The following ST6GAL1 variants were observed in gnomAD, a reference collection of about 807,000 sequenced individuals.
ST6GAL1 encodes the protein beta-galactoside alpha-2,6-sialyltransferase 1.
Under a neutral mutation model 38.0 loss-of-function variants are expected in ST6GAL1, and 20 were observed. The observed-to-expected ratio is 0.53, with a 90% CI of 0.37 to 0.77. The LOEUF (loss-of-function observed/expected upper bound fraction) is 0.77, where lower values mean the gene tolerates loss of function less well. Ranked by LOEUF, ST6GAL1 falls within the 30% of genes least tolerant of loss-of-function variation. ST6GAL1 has a pLI of 0.00. For missense variants in ST6GAL1, 432 were observed against 496.4 expected (o/e 0.87, Z 1.23); for synonymous variants, 196 against 188.2 (o/e 1.04, Z -0.34).
chr3:186,988,441 T>A lies in ST6GAL1; in HGVS notation c.-183+24515T>A, dbSNP rs1344844040. 4.0e-5 allele frequency among the ~76,000 whole-genome samples: 6 copies of A among 151,716 alleles called. No homozygotes were observed. The South Asian group carries it at 1.2e-3, about 32-fold the overall frequency. On this transcript the variant is annotated intron_variant, in intron 2 of 7. Transcript: ENST00000169298. ...TATATGCCAGAATCGAGATTCCCTA[T>A]AAATTTAACAGCTTACAGGAAGGAC... is the stretch of plus-strand genomic sequence containing the variant.
intron 4 of ST6GAL1, among the ~76,000 whole-genome samples, chr3:187,050,602 A>AGAAG (rs1354010199): frequency 7.3e-5 from 11 of 151,666 alleles, no homozygotes; most frequent in African/African-American, 1.2e-4. Flanking sequence ...AGGAAGGAAA[A>AGAAG]GAAGGAAGGA....
intron 2 of ST6GAL1, among the ~76,000 whole-genome samples, chr3:186,984,599 C>T (rs947391134): frequency 2.2e-4 from 34 of 152,264 alleles, no homozygotes; most frequent in South Asian, 4.1e-4. Flanking sequence ...ACTCATTCCT[C>T]CACTATCTGC....
Position 187,043,203 on chromosome 3 carries a change from G to A in ST6GAL1, c.500G>A (p.Gly167Asp). 1 of 1,614,242 alleles carries A rather than the reference G, an allele frequency of 6.2e-7. No individual in the cohort carries two copies. The highest frequency in any genetic ancestry group is 8.5e-7 in the Non-Finnish European group (1 of 1,180,036). Residue 167 changes from glycine to aspartate, a missense_variant, in exon 4 of 8, where the codon GGT becomes GAT. Coordinates refer to ENST00000169298, the MANE Select transcript of ST6GAL1 (RefSeq NM_173216.2). ...CCCTTCAATACCTCTGAATGGGAGG[G>A]TTATCTGCCCAAGGAGAGCATTAGG... The part of the protein sequence containing the change: ...DFPFNTSEWE[G>D]YLPKESIRTK...
Position 187,075,832 on chromosome 3 carries a change from G to T in ST6GAL1, c.*29G>T. On this transcript the variant is annotated 3_prime_UTR_variant, in exon 8 of 8. Coordinates refer to ENST00000169298, the MANE Select transcript of ST6GAL1 (RefSeq NM_173216.2). This position sits in a 1 kb window ranked among gnomAD's most constrained non-coding sequence, Gnocchi z 4.1. ...CAGGCTCCTCACTCTTCTCCATCAGGCATTAAATGAATGGTCTCTTGGCCA... is the reference window on the plus strand; with the variant it reads ...CAGGCTCCTCACTCTTCTCCATCAGTCATTAAATGAATGGTCTCTTGGCCA... The T allele has an allele frequency of 6.2e-7, 1 of 1,609,784 alleles. No homozygotes were observed. The highest frequency in any genetic ancestry group is 8.5e-7 in the Non-Finnish European group (1 of 1,176,710).
intron 2 of ST6GAL1, among the ~76,000 whole-genome samples, chr3:186,979,921 G>GT (rs1300441366): frequency 1.3e-5 from 2 of 152,176 alleles, no homozygotes; most frequent in African/African-American, 4.8e-5. Flanking sequence ...TGGTGATACT[G>GT]TTGAGAGCTT....
Position 187,042,798 on chromosome 3 carries a change from G to C in ST6GAL1, c.95G>C (p.Gly32Ala), listed in dbSNP as rs1211853675. The C allele has an allele frequency of 1.2e-6, 2 of 1,614,194 alleles. No individual in the cohort carries two copies. The highest frequency in any genetic ancestry group is 4.5e-5 in the East Asian group (2 of 44,886). ...VICVWKEKKK[G>A]SYYDSFKLQT... is the part of the protein sequence containing the mutation. ...TGTGTGTGGAAGGAAAAGAAGAAAGGGAGTTACTATGATTCCTTTAAATTG... is the reference window on the plus strand; with the variant it reads ...TGTGTGTGGAAGGAAAAGAAGAAAGCGAGTTACTATGATTCCTTTAAATTG... The change falls in exon 4 of 8, where the codon GGG (glycine) becomes GCG (alanine). Residue 32 changes from glycine (G) to alanine (A), a missense_variant. Coordinates refer to ENST00000169298, the MANE Select transcript of ST6GAL1 (RefSeq NM_173216.2).
chr3:186,973,396 G>A (rs1483823443), intron 2 of ST6GAL1, among the ~76,000 whole-genome samples: 1 of 152,198 alleles, frequency 6.6e-6, no homozygotes, highest in Admixed American at 6.5e-5. Context: ...TGCAGGAAGA[G>A]GCAGGAGGAG....
intron 5 of ST6GAL1, among the ~76,000 whole-genome samples, chr3:187,065,938 A>G (rs1379646630): frequency 6.6e-6 from 1 of 152,336 alleles, no homozygotes; most frequent in Non-Finnish European, 1.5e-5. Flanking sequence ...AGTTGCTCAC[A>G]GGAGCCCAGA....
intron 2 of ST6GAL1, among the ~76,000 whole-genome samples, chr3:186,982,330 G>A (rs1199690860): frequency 1.3e-5 from 2 of 152,162 alleles, no homozygotes; most frequent in Non-Finnish European, 2.9e-5. Context: ...TTTTCCATGT[G>A]GATAAGCATG....
In ST6GAL1 at chr3:186,989,712, A is replaced by G. The variant is rs530469537; in HGVS notation, c.-183+25786A>G. On this transcript the variant is annotated intron_variant, in intron 2 of 7. Transcript: ENST00000169298. Reference sequence around the variant, plus strand: ...TTGACTTGCTGTCAGCATAGAGAACATATCAATTTGAGTTTATGTAAGATA... The same window carrying G: ...TTGACTTGCTGTCAGCATAGAGAACGTATCAATTTGAGTTTATGTAAGATA... Among the ~76,000 whole-genome samples the G allele has an allele frequency of 2.6e-5, 4 of 152,364 alleles. No homozygotes were observed. In the South Asian group the frequency reaches 8.3e-4, roughly 32 times the overall value.
intron 1 of ST6GAL1, among the ~76,000 whole-genome samples, chr3:186,950,351 C>T (rs1215445446): frequency 6.6e-6 from 1 of 152,118 alleles, no homozygotes; most frequent in African/African-American, 2.4e-5. Context: ...AGTCTGCAGT[C>T]ATTTTCCAGC....
At position 187,042,674 on chromosome 3, in the gene ST6GAL1, C is replaced by T; in HGVS notation, c.-30C>T. 1 of 1,560,906 alleles carries T rather than the reference C, an allele frequency of 6.4e-7. No individual in the cohort carries two copies. The highest frequency in any genetic ancestry group is 8.6e-7 in the Non-Finnish European group (1 of 1,158,252). On this transcript the variant is annotated 5_prime_UTR_variant, in exon 4 of 8. Transcript: ENST00000169298. Reference sequence around the variant, plus strand: ...TTTAGGCTTGTTTTCCTGCTCAGAACAAAGTGACTTCCCTGAACACATCTT... The same window carrying T: ...TTTAGGCTTGTTTTCCTGCTCAGAATAAAGTGACTTCCCTGAACACATCTT...
At chr3:187,015,504 C>A (rs1389912576) in intron 2 of ST6GAL1, among the ~76,000 whole-genome samples, 1 of 152,066 alleles carries the variant, frequency 6.6e-6, no homozygotes, top group Non-Finnish European at 1.5e-5. Context: ...CTGAAAGAGT[C>A]ACAGGTCAAA....
At chr3:186,968,076 C>G (rs529495424) in intron 2 of ST6GAL1, among the ~76,000 whole-genome samples, 83 of 152,286 alleles carry the variant, frequency 5.5e-4, no homozygotes, top group African/African-American at 1.9e-3. Context: ...TTGCTTAGGC[C>G]GGGGAGTTAT....
intron 2 of ST6GAL1, among the ~76,000 whole-genome samples, chr3:186,999,342 A>G (rs146754991): frequency 3.0e-4 from 45 of 152,046 alleles, no homozygotes; most frequent in African/African-American, 8.0e-4. Context: ...TCTGTCCCCT[A>G]TGCTAAGGCA....
chr3:187,029,338 C>A (rs1355092599), intron 2 of ST6GAL1, among the ~76,000 whole-genome samples: 1 of 152,006 alleles, frequency 6.6e-6, no homozygotes, highest in Non-Finnish European at 1.5e-5. Context: ...GAACAACTTT[C>A]TTAAGTAAAC....
At chr3:187,027,170 A>C (rs1345722275) in intron 2 of ST6GAL1, among the ~76,000 whole-genome samples, 2 of 152,346 alleles carry the variant, frequency 1.3e-5, no homozygotes, top group East Asian at 3.9e-4. Context: ...CATTTTAAAA[A>C]GTATTGATCT....
chr3:186,982,741 G>A (rs1240107232), intron 2 of ST6GAL1, among the ~76,000 whole-genome samples: 1 of 151,960 alleles, frequency 6.6e-6, no homozygotes, highest in Non-Finnish European at 1.5e-5. Context: ...CAGTGCAATG[G>A]TGTGATCTCG....
At chr3:186,947,899 G>A (rs1714435240) in intron 1 of ST6GAL1, among the ~76,000 whole-genome samples, 1 of 152,238 alleles carries the variant, frequency 6.6e-6, no homozygotes, top group African/African-American at 2.4e-5. Flanking sequence ...AGCACCCACA[G>A]GTGTCTGTGA....
Sources: allele counts gnomAD v4.1 joint callset (sites outside exome capture counted in the v4.1 genomes callset), GRCh38; gene constraint gnomAD v4.1.1; non-coding constraint Gnocchi (gnomAD v3.1); transcripts MANE v1.5; gene names NCBI Gene and HGNC (gene_info 2026-07-23, HGNC 2026-07-21).